USP13: variants seen among roughly 807,000 people sequenced by gnomAD.
The protein encoded by USP13 is ubiquitin carboxyl-terminal hydrolase 13.
A neutral mutation model predicts 107.8 loss-of-function variants in USP13; 68 were observed. That is an observed-to-expected ratio of 0.63 (90% CI 0.52 to 0.77). The LOEUF is 0.77. Among genes scored for constraint, USP13 ranks in the 30% least tolerant of loss-of-function variants. The pLI, the probability that USP13 is intolerant of heterozygous loss-of-function variation, is 0.00. For missense variants in USP13, 945 were observed against 1,093.3 expected, an observed-to-expected ratio of 0.86 and a Z score of 1.91; for synonymous variants, 377 against 389.5, an observed-to-expected ratio of 0.97 and a Z score of 0.38.
chr3:179,772,853 C>T (rs903582950), intron 19 of USP13, among the ~76,000 whole-genome samples: 1 of 152,062 alleles, frequency 6.6e-6, no homozygotes, highest in Non-Finnish European at 1.5e-5. Context: ...ATTCGTAGAC[C>T]CTTTACAATT....
chr3:179,741,556 C>A (rs1714200509), intron 11 of USP13, among the ~76,000 whole-genome samples: 1 of 151,918 alleles, frequency 6.6e-6, no homozygotes, highest in African/African-American at 2.4e-5. Context: ...GGGGTTTCAC[C>A]ATGTTGGCCA....
chr3:179,766,708 C>T (rs1216331158), intron 19 of USP13, among the ~76,000 whole-genome samples: 4 of 152,212 alleles, frequency 2.6e-5, no homozygotes, highest in Non-Finnish European at 4.4e-5. Flanking sequence ...ACTGATTTTA[C>T]AGGTGAGAAA....
At chr3:179,659,044 A>G (rs1001553917) in intron 1 of USP13, among the ~76,000 whole-genome samples, 6 of 152,128 alleles carry the variant, frequency 3.9e-5, no homozygotes, top group African/African-American at 1.4e-4. Context: ...CCCTTCTCGC[A>G]TTGGGACTGT....
chr3:179,718,468 T>C (rs1393816785), intron 6 of USP13, among the ~76,000 whole-genome samples: 6 of 152,088 alleles, frequency 3.9e-5, no homozygotes, highest in Admixed American at 2.6e-4. Flanking sequence ...TGTCCTGATA[T>C]ACCTTCATAA....
intron 2 of USP13, among the ~76,000 whole-genome samples, chr3:179,686,547 T>C (rs1576925071): frequency 6.6e-6 from 1 of 152,244 alleles, no homozygotes; most frequent in East Asian, 1.9e-4. Flanking sequence ...CAGGCCACTG[T>C]ACACCTGAGC....
chr3:179,670,577 G>GTA (rs1720720527), intron 1 of USP13, among the ~76,000 whole-genome samples: 1 of 152,096 alleles, frequency 6.6e-6, no homozygotes, highest in African/African-American at 2.4e-5. Context: ...GTTACACGCC[G>GTA]TATCACCTCT....
intron 10 of USP13, among the ~76,000 whole-genome samples, chr3:179,732,986 A>G (rs1394482047): frequency 6.6e-6 from 1 of 152,104 alleles, no homozygotes; most frequent in Non-Finnish European, 1.5e-5. Flanking sequence ...TAAAATCTAA[A>G]TTTCCATCTT....
At position 179,671,344 on chromosome 3, in the gene USP13, G is replaced by A. The variant is rs115142680; in HGVS notation, c.169-10534G>A. Reference sequence around the variant, plus strand: ...GGGAAGCCAGGTTTGAGAAAAGGGAGCATATCTAAATACATTCAGTTAAAA... The same window carrying A: ...GGGAAGCCAGGTTTGAGAAAAGGGAACATATCTAAATACATTCAGTTAAAA... On this transcript the variant is annotated intron_variant, in intron 1 of 20. Transcript: ENST00000263966. Among the ~76,000 whole-genome samples, 176 of 152,196 alleles carry A rather than the reference G, an allele frequency of 1.2e-3. 2 individuals carry two copies. The highest frequency in any genetic ancestry group is 4.1e-3 in the African/African-American group (172 of 41,520).
chr3:179,740,397 C>T (rs1714150779), intron 11 of USP13, 25 bp downstream of exon 11: 1 of 1,613,582 alleles, frequency 6.2e-7, no homozygotes, highest in Non-Finnish European at 8.5e-7. Context: ...TTCACGGATG[C>T]TCAGCGGGGT....
chr3:179,747,922 A>G (rs1172916223), intron 13 of USP13, among the ~76,000 whole-genome samples: 1 of 152,200 alleles, frequency 6.6e-6, no homozygotes, highest in African/African-American at 2.4e-5. Context: ...GCATACACAC[A>G]TGCTCTTGCA....
intron 2 of USP13, among the ~76,000 whole-genome samples, chr3:179,688,900 A>C (rs1397437916): frequency 1.3e-5 from 2 of 152,238 alleles, no homozygotes; most frequent in African/African-American, 4.8e-5. Context: ...CTAAGAGAGG[A>C]GATGTGCATT....
chr3:179,759,940 G>A (rs1050635096), intron 16 of USP13, among the ~76,000 whole-genome samples: 7 of 152,138 alleles, frequency 4.6e-5, no homozygotes, highest in Non-Finnish European at 1.0e-4. Flanking sequence ...CCAAAGAGCT[G>A]GGATTACAGG....
Position 179,653,536 on chromosome 3 carries a change from G to A in USP13, c.168+143G>A, listed in dbSNP as rs1293156095. 5.9e-6 allele frequency: 7 copies of A among 1,189,916 alleles called. No homozygotes were observed. Among genetic ancestry groups the A allele is most frequent in the Non-Finnish European group, 8.1e-6 (7 of 866,198 alleles). 73.7% of individuals were successfully genotyped at this position (1,189,916 alleles called of 1,614,324 possible). On this transcript the variant is annotated intron_variant, in intron 1 of 20. Coordinates refer to ENST00000263966, the MANE Select transcript of USP13 (RefSeq NM_003940.3). This position sits in a 1 kb window ranked among gnomAD's most constrained non-coding sequence, Gnocchi z 4.0. ...GGCTCAGGAACACTGCAGTTCGGCA[G>A]ACACTTAGTGAGCGCCCCAGGGCTG...
At position 179,757,118 on chromosome 3, in the gene USP13, G is replaced by C. The variant is rs368742197; in HGVS notation, c.1948+40G>C. 224 of 1,600,658 alleles carry C rather than the reference G, an allele frequency of 1.4e-4. No homozygotes were observed. In the African/African-American group the frequency reaches 1.5e-3, roughly 11 times the overall value. ...AAATGTTTCTCAATGTCCTACTGTT[G>C]TTATTAATCTGATGAATTTGTCTGT... On this transcript the variant is annotated intron_variant, in intron 16 of 20. Coordinates refer to ENST00000263966, the MANE Select transcript of USP13 (RefSeq NM_003940.3).
At chr3:179,765,915 C>T in intron 19 of USP13, 67 bp downstream of exon 19, 1 of 1,521,396 alleles carries the variant, frequency 6.6e-7, no homozygotes, top group Non-Finnish European at 8.9e-7. Context: ...CCCTTCCCTC[C>T]CACCACAACA....
At chr3:179,778,602 A>G (rs771838815) in intron 19 of USP13, among the ~76,000 whole-genome samples, 2 of 152,136 alleles carry the variant, frequency 1.3e-5, no homozygotes, top group Non-Finnish European at 2.9e-5. Context: ...CGTCTCTACT[A>G]AAAATGCAAA....
chr3:179,658,190 G>C (rs1237478687), intron 1 of USP13, among the ~76,000 whole-genome samples: 2 of 152,090 alleles, frequency 1.3e-5, no homozygotes, highest in African/African-American at 4.8e-5. Context: ...TCCTGACCTC[G>C]TGATCCGCCC....
rs912786317 is a variant in USP13 at position 179,719,823 on chromosome 3, C to T, written c.806-117C>T. 2.7e-5 allele frequency: 16 copies of T among 588,922 alleles called. No homozygotes were observed. The East Asian group carries it at 2.8e-4, about 10-fold the overall frequency. The allele number at this position is 588,922 out of a possible 1,614,324, so 36.5% of individuals were successfully genotyped here. ...CTCTTGTTGAATGTTAGAAAGTTTT[C>T]GTTTTGTTCAGTGATATAGCCCAAG... On this transcript the variant is annotated intron_variant, in intron 6 of 20. Transcript: ENST00000263966.
chr3:179,722,066 A>C (rs904949513), intron 8 of USP13, among the ~76,000 whole-genome samples: 7 of 29,162 alleles, frequency 2.4e-4, no homozygotes, highest in Admixed American at 1.3e-3. Flanking sequence ...AATCTGTCTC[A>C]AAAAAAAAAA....
Sources: allele counts gnomAD v4.1 joint callset (sites outside exome capture counted in the v4.1 genomes callset), GRCh38; gene constraint gnomAD v4.1.1; non-coding constraint Gnocchi (gnomAD v3.1); transcripts MANE v1.5; gene names NCBI Gene and HGNC (gene_info 2026-07-23, HGNC 2026-07-21).